EXOC3: variants seen among roughly 807,000 people sequenced by gnomAD.
The protein encoded by EXOC3 is exocyst complex component 3.
EXOC3 carries 21 observed loss-of-function variants against 73.7 expected under a neutral mutation model. That is an observed-to-expected ratio of 0.29 (90% CI 0.20 to 0.41). The LOEUF is 0.41. EXOC3 is among the 10% of genes least tolerant of loss of function. EXOC3 has a pLI of 1.00. For missense variants in EXOC3, 842 were observed against 985.1 expected (o/e 0.85, Z 1.95); for synonymous variants, 410 against 389.1 (o/e 1.05, Z -0.63).
At chr5:462,871 C>T (rs1233270361) in intron 9 of EXOC3, among the ~76,000 whole-genome samples, 1 of 152,064 alleles carries the variant, frequency 6.6e-6, no homozygotes. Flanking sequence ...TTTGGGAGGC[C>T]AAGGTAGGCG....
chr5:466,995 T>G lies in EXOC3; in HGVS notation c.*97T>G. The G allele has an allele frequency of 8.0e-7, 1 of 1,248,440 alleles. No homozygotes were observed. Among genetic ancestry groups the G allele is most frequent in the Admixed American group, 2.3e-5 (1 of 43,012 alleles). The allele number at this position is 1,248,440 out of a possible 1,614,324, so 77.3% of individuals were successfully genotyped here. A position where few individuals can be genotyped will look rare whatever the true frequency, so the allele number is the denominator to read the frequency against. ...TGCTCTCCTTGGCCACACGTGCTCC[T>G]TTTAGCTGCACGGCCTGTCTTTAGG... On this transcript the variant is annotated 3_prime_UTR_variant, in exon 13 of 13. Transcript: ENST00000512944.
intron 4 of EXOC3, 147 bp from the exon 5 acceptor site, chr5:456,742 C>T (rs1235545775): frequency 4.4e-6 from 3 of 683,968 alleles, no homozygotes; most frequent in Non-Finnish European, 7.9e-6. Context: ...CTGCCCTGCA[C>T]TTTCCCCTGA....
intron 3 of EXOC3, among the ~76,000 whole-genome samples, chr5:448,701 G>C (rs536294402): frequency 6.6e-6 from 1 of 152,310 alleles, no homozygotes; most frequent in African/African-American, 2.4e-5. Flanking sequence ...GTTCTCCCCA[G>C]CTGCCCACAG....
In EXOC3 at chr5:460,701, T is replaced by C. The variant is rs186507378; in HGVS notation, c.1391+1242T>C. Among the ~76,000 whole-genome samples, 206 of 152,340 alleles carry C rather than the reference T, an allele frequency of 1.4e-3. 13 individuals are homozygous for C. The East Asian group carries it at 0.018, about 13-fold the overall frequency. The stretch of plus-strand genomic sequence containing the variant: ...GTCTTAGCCAAGTCCCCATTGGCCT[T>C]CTATCCACAGAGGCATGGCCAAATC... On this transcript the variant is annotated intron_variant, in intron 7 of 12. Transcript: ENST00000512944.
chr5:447,380 CTTG>C (rs1737537474), intron 2 of EXOC3, 150 bp from the exon 3 acceptor site: 2 of 587,530 alleles, frequency 3.4e-6, no homozygotes, highest in Non-Finnish European at 6.1e-6. Flanking sequence ...CAATTAAATC[CTTG>C]TTGATTTTAT....
intron 12 of EXOC3, 192 bp from the exon 13 acceptor site, chr5:466,535 G>A: frequency 1.8e-6 from 1 of 563,350 alleles, no homozygotes; most frequent in Non-Finnish European, 3.1e-6. Flanking sequence ...TTCTGCAATT[G>A]GATTGAGAAA....
intron 4 of EXOC3, among the ~76,000 whole-genome samples, chr5:455,668 T>A (rs889512157): frequency 6.0e-5 from 9 of 150,010 alleles, no homozygotes; most frequent in African/African-American, 2.2e-4. Context: ...TTAATTTTAA[T>A]TTTTGTGGGT....
At chr5:445,547 G>A (rs1327443661) in intron 1 of EXOC3, among the ~76,000 whole-genome samples, 1 of 152,052 alleles carries the variant, frequency 6.6e-6, no homozygotes, top group Non-Finnish European at 1.5e-5. Context: ...GTAGATACAG[G>A]GTTTCACCAT....
At chr5:446,801 G>A (rs1413879397) in intron 2 of EXOC3, among the ~76,000 whole-genome samples, 2 of 152,026 alleles carry the variant, frequency 1.3e-5, no homozygotes, top group African/African-American at 4.8e-5. Flanking sequence ...AGGTTGCGGT[G>A]AGCCGAGATG....
chr5:459,254 C>A, intron 6 of EXOC3, 105 bp from the exon 7 acceptor site: 4 of 413,102 alleles, frequency 9.7e-6, no homozygotes, highest in Non-Finnish European at 1.3e-5. Flanking sequence ...TTTGGACTAT[C>A]CTAAATGCCA....
intron 7 of EXOC3, 52 bp downstream of exon 7, chr5:459,511 T>G: frequency 9.4e-7 from 1 of 1,062,206 alleles, no homozygotes; most frequent in South Asian, 1.6e-5. Context: ...TTTTAAAAAT[T>G]AGAAGCAAAA....
At chr5:451,277 T>C (rs1737652933) in intron 3 of EXOC3, among the ~76,000 whole-genome samples, 1 of 152,268 alleles carries the variant, frequency 6.6e-6, no homozygotes, top group African/African-American at 2.4e-5. Context: ...AGTTTGAATT[T>C]ATATCAACTT....
chr5:463,163 G>T (rs1004979595), intron 9 of EXOC3, among the ~76,000 whole-genome samples: 1 of 152,174 alleles, frequency 6.6e-6, no homozygotes, highest in African/African-American at 2.4e-5. Flanking sequence ...CTGCTGGAAA[G>T]GGGTTCCTGG....
intron 9 of EXOC3, among the ~76,000 whole-genome samples, chr5:463,052 C>T (rs1296112583): frequency 2.0e-5 from 3 of 152,158 alleles, no homozygotes. Context: ...TTGCAGTGAG[C>T]AGAGATCGCG....
chr5:456,539 C>T (rs951293662), intron 4 of EXOC3, among the ~76,000 whole-genome samples: 4 of 152,232 alleles, frequency 2.6e-5, no homozygotes, highest in African/African-American at 4.8e-5. Flanking sequence ...ATTTGAGCCC[C>T]AGCACCTCAT....
chr5:464,456 G>A, intron 10 of EXOC3, 44 bp downstream of exon 10: 1 of 1,601,152 alleles, frequency 6.2e-7, no homozygotes. Flanking sequence ...TGACGCTAGG[G>A]CTCACCTCTC....
chr5:446,457 G>C, intron 2 of EXOC3, 108 bp downstream of exon 2: 1 of 1,066,212 alleles, frequency 9.4e-7, no homozygotes, highest in Non-Finnish European at 1.3e-6. Context: ...GTGCAAGGAG[G>C]CAGAGCTGGA....
Position 462,272 on chromosome 5 carries a change from A to G in EXOC3, c.1618A>G (p.Ser540Gly), listed in dbSNP as rs1738011643. The change falls in exon 9 of 13, where the codon AGC becomes GGC. Residue 540 changes from serine (S) to glycine (G), a missense_variant. Physicochemically the swap from Ser to Gly is moderately conservative, Grantham distance 56. Transcript: ENST00000512944. ...AGACGCCATCGCGAAGGAGGGCTGC[A>G]GCGGTTTGCTGGAGGAGGTCTTCCT... ...ILDAIAKEGC[S>G]GLLEEVFLDL... 2 of 1,613,878 alleles carry G rather than the reference A, an allele frequency of 1.2e-6. No individual in the cohort carries two copies. The highest frequency in any genetic ancestry group is 1.3e-5 in the African/African-American group (1 of 74,948).
At position 466,918 on chromosome 5, in the gene EXOC3, C is replaced by T. The variant is rs765762714; in HGVS notation, c.*20C>T. 6.3e-7 allele frequency: 1 copy of T among 1,576,500 alleles called. No individual in the cohort carries two copies. On this transcript the variant is annotated 3_prime_UTR_variant, in exon 13 of 13. Transcript: ENST00000512944. Reference sequence around the variant, plus strand: ...AAGTAGCCTCCGCCGGCCTGCCCTGCTCGCCCCTCCACAGCCTCGGTCCCT... The same window carrying T: ...AAGTAGCCTCCGCCGGCCTGCCCTGTTCGCCCCTCCACAGCCTCGGTCCCT...
Sources: allele counts gnomAD v4.1 joint callset (sites outside exome capture counted in the v4.1 genomes callset), GRCh38; gene constraint gnomAD v4.1.1; transcripts MANE v1.5; gene names NCBI Gene and HGNC (gene_info 2026-07-23, HGNC 2026-07-21).